CNTNAP2: variants seen among roughly 807,000 people sequenced by gnomAD.
The protein encoded by CNTNAP2 is contactin-associated protein-like 2.
A neutral mutation model predicts 155.2 loss-of-function variants in CNTNAP2; 98 were observed. That is an observed-to-expected ratio of 0.63 (90% confidence interval 0.54 to 0.75). The LOEUF is 0.75. CNTNAP2 is among the 30% of genes least tolerant of loss of function. CNTNAP2 has a pLI of 0.00. For synonymous variants in CNTNAP2, 651 were observed against 631.2 expected, an observed-to-expected ratio of 1.03 and a Z score of -0.47; for missense variants, 1,727 against 1,688.1, an observed-to-expected ratio of 1.02 and a Z score of -0.40.
chr7:147,780,746 G>C (rs1797649877), intron 13 of CNTNAP2, among the ~76,000 whole-genome samples: 1 of 152,118 alleles, frequency 6.6e-6, no homozygotes, highest in South Asian at 2.1e-4. Context: ...AATAAATAGG[G>C]TTTCTTAGTC....
chr7:146,473,688 T>C (rs1439524014), intron 1 of CNTNAP2, among the ~76,000 whole-genome samples: 1 of 152,188 alleles, frequency 6.6e-6, no homozygotes, highest in Non-Finnish European at 1.5e-5. Flanking sequence ...GCAACTAAAA[T>C]TATGCAAACC....
chr7:146,721,391 C>CTATATATATTCTATATATACTCTA (rs1229042586), intron 1 of CNTNAP2, among the ~76,000 whole-genome samples: 4 of 118,750 alleles, frequency 3.4e-5, no homozygotes, highest in African/African-American at 1.5e-4. Context: ...TATATACATT[C>CTATATATATTCTATATATACTCTA]TATATACATT....
intron 1 of CNTNAP2, among the ~76,000 whole-genome samples, chr7:146,457,448 T>TATATTTTGAATATATAA (rs1796571159): frequency 9.7e-6 from 1 of 103,206 alleles, no homozygotes; most frequent in African/African-American, 3.6e-5. Flanking sequence ...ATGAATCAAA[T>TATATTTTGAATATATAA]TATAATTTGA....
At chr7:146,201,834 A>G (rs1798867732) in intron 1 of CNTNAP2, among the ~76,000 whole-genome samples, 1 of 152,154 alleles carries the variant, frequency 6.6e-6, no homozygotes, top group South Asian at 2.1e-4. Flanking sequence ...CACTTTGTCA[A>G]CTTCATAATA....
At chr7:147,526,930 C>T (rs1799332198) in intron 11 of CNTNAP2, among the ~76,000 whole-genome samples, 1 of 151,202 alleles carries the variant, frequency 6.6e-6, no homozygotes, top group African/African-American at 2.4e-5. Context: ...GTCATTAAGG[C>T]ACCATTAACT....
intron 13 of CNTNAP2, among the ~76,000 whole-genome samples, chr7:147,805,042 C>T (rs538092684): frequency 1.3e-5 from 2 of 152,246 alleles, no homozygotes; most frequent in Admixed American, 1.3e-4. Flanking sequence ...CCAACAGCTT[C>T]CTCTCAATCA....
In CNTNAP2 at chr7:146,774,290, T is replaced by G. The variant is rs969515416; in HGVS notation, c.117T>G (p.Leu39=). ...TTTCAGAAAAATGTGATGAGCCACT[T>G]GTCTCTGGACTCCCCCATGTGGCTT... is the stretch of plus-strand genomic sequence containing the variant. ...PSTSQKCDEP[L]VSGLPHVAFS... is the part of the protein sequence containing the mutation. Residue 39 remains leucine (L), a synonymous_variant, in exon 2 of 24, where the codon CTT becomes CTG. Transcript: ENST00000361727. 5.6e-6 allele frequency: 9 copies of G among 1,613,810 alleles called. No individual in the cohort carries two copies. Among genetic ancestry groups the G allele is most frequent in the Admixed American group, 1.7e-5 (1 of 59,994 alleles).
At chr7:147,512,779 AG>A (rs1288252823) in intron 11 of CNTNAP2, among the ~76,000 whole-genome samples, 1 of 152,196 alleles carries the variant, frequency 6.6e-6, no homozygotes, top group Admixed American at 6.5e-5. Context: ...GCAAATAATA[AG>A]ACAGAGTTAC....
chr7:147,342,288 G>C (rs1357192253), intron 9 of CNTNAP2, among the ~76,000 whole-genome samples: 1 of 151,994 alleles, frequency 6.6e-6, no homozygotes, highest in Non-Finnish European at 1.5e-5. Context: ...AACTTATAAG[G>C]CTTCTAATGT....
rs550445950 is a variant in CNTNAP2, at chr7:147,278,978, G to A, written c.1349-21163G>A. Reference sequence around the variant, plus strand: ...AATTACTTTCTATCCTGAATACAGAGCATTATACATAGCTTGCTAGACATA... The same window carrying A: ...AATTACTTTCTATCCTGAATACAGAACATTATACATAGCTTGCTAGACATA... On this transcript the variant is annotated intron_variant, in intron 8 of 23. Transcript: ENST00000361727. Among the ~76,000 whole-genome samples, 224 of 151,444 alleles carry A rather than the reference G, an allele frequency of 1.5e-3. 1 individual carries two copies. Among genetic ancestry groups the A allele is most frequent in the Admixed American group, 3.2e-3 (49 of 15,184 alleles).
chr7:147,231,934 A>G (rs1008997820), intron 8 of CNTNAP2, among the ~76,000 whole-genome samples: 2 of 152,160 alleles, frequency 1.3e-5, no homozygotes, highest in Non-Finnish European at 2.9e-5. Flanking sequence ...CTGTGTGGAT[A>G]CTTTTTAGTT....
chr7:147,211,842 G>C (rs984916678), intron 8 of CNTNAP2, among the ~76,000 whole-genome samples: 1 of 151,958 alleles, frequency 6.6e-6, no homozygotes, highest in Admixed American at 6.6e-5. Context: ...TACAGCAAAA[G>C]AAACTGTTAA....
At chr7:147,503,291 C>T (rs10266867) in intron 11 of CNTNAP2, among the ~76,000 whole-genome samples, 48,612 of 151,932 alleles carry the variant, frequency 0.32, 8,012 homozygotes, top group East Asian at 0.43. Context: ...TGTCTCTGTC[C>T]CTGTGTCAGA....
intron 12 of CNTNAP2, among the ~76,000 whole-genome samples, chr7:147,583,355 G>T (rs1800547735): frequency 1.3e-5 from 2 of 151,744 alleles, no homozygotes; most frequent in Non-Finnish European, 2.9e-5. Flanking sequence ...TGCTACTTCA[G>T]TCTGCTGGAT....
chr7:146,196,591 G>GAGAGAA (rs1387648873), intron 1 of CNTNAP2, among the ~76,000 whole-genome samples: 1 of 151,894 alleles, frequency 6.6e-6, no homozygotes, highest in Non-Finnish European at 1.5e-5. Context: ...GAAAGAGAGA[G>GAGAGAA]AGAGAAAGAG....
chr7:147,292,650 C>T (rs1805339743), intron 8 of CNTNAP2, among the ~76,000 whole-genome samples: 1 of 152,124 alleles, frequency 6.6e-6, no homozygotes, highest in African/African-American at 2.4e-5. Context: ...CATGTGCAGA[C>T]AAGATAAGGA....
chr7:147,217,811 C>T (rs1477650928), intron 8 of CNTNAP2, among the ~76,000 whole-genome samples: 1 of 151,970 alleles, frequency 6.6e-6, no homozygotes, highest in Non-Finnish European at 1.5e-5. Flanking sequence ...TTAATAATTG[C>T]TTTAATTTAT....
Position 147,132,273 on chromosome 7 carries a change from C to T in CNTNAP2, c.1112C>T (p.Pro371Leu), listed in dbSNP as rs1801390435. 1 of 1,613,642 alleles carries T rather than the reference C, an allele frequency of 6.2e-7. No homozygotes were observed. The highest frequency in any genetic ancestry group is 8.5e-7 in the Non-Finnish European group (1 of 1,179,746). The part of the protein sequence containing the change: ...VGNLSFSCVE[P>L]YTVPVFFNAT... ...AATTTGAGCTTTTCTTGTGTGGAAC[C>T]CTATACGGTGCCTGTCTTTTTCAAC... is the stretch of plus-strand genomic sequence containing the variant. The change falls in exon 8 of 24, where the codon CCC (proline) becomes CTC (leucine). Residue 371 changes from proline to leucine, a missense_variant. Coordinates refer to ENST00000361727, the MANE Select transcript of CNTNAP2 (RefSeq NM_014141.6).
At chr7:146,875,964 AAAAAC>A (rs1239919158) in intron 3 of CNTNAP2, among the ~76,000 whole-genome samples, 65 of 149,600 alleles carry the variant, frequency 4.3e-4, no homozygotes, top group East Asian at 3.9e-3. Context: ...AAAAAAAACA[AAAAAC>A]AAAAAAACGA....
Sources: gnomAD v4.1 joint callset for allele counts (sites outside exome capture counted in the v4.1 genomes callset) on GRCh38, gnomAD v4.1.1 for gene constraint, MANE v1.5 for transcripts, NCBI Gene and HGNC (gene_info 2026-07-23, HGNC 2026-07-21) for gene names.